The following KDM2A variants were observed in gnomAD, a reference collection of about 807,000 sequenced individuals.
KDM2A encodes the protein lysine demethylase 2A, also known as lysine-specific demethylase 2A.
KDM2A carries 3 observed loss-of-function variants against 137.3 expected under a neutral mutation model. That is an observed-to-expected ratio of 0.02 (90% confidence interval 0.01 to 0.06). KDM2A has a LOEUF of 0.06. Among genes scored for constraint, KDM2A ranks in the 10% least tolerant of loss-of-function variants. KDM2A has a pLI of 1.00. For missense variants in KDM2A, 738 were observed against 1,510.6 expected, an observed-to-expected ratio of 0.49 and a Z score of 8.48; for synonymous variants, 512 against 541.5, an observed-to-expected ratio of 0.95 and a Z score of 0.76.
In KDM2A at chr11:67,219,272, G is replaced by C; in HGVS notation, c.842-16G>C. 7.0e-7 allele frequency: 1 copy of C among 1,436,942 alleles called. No individual in the cohort carries two copies. The highest frequency in any genetic ancestry group is 2.5e-5 in the East Asian group (1 of 40,598). The allele number at this position is 1,436,942 out of a possible 1,614,324, so 89.0% of individuals were successfully genotyped here. On this transcript the variant is annotated splice_polypyrimidine_tract_variant and intron_variant, in intron 9 of 20. Coordinates refer to ENST00000529006, the MANE Select transcript of KDM2A (RefSeq NM_012308.3). ...TGTGTGTTTTCAGCCACTGCCCTCT[G>C]TTCCCCTTCTCCTAGGCTGGATTCA...
intron 2 of KDM2A, among the ~76,000 whole-genome samples, chr11:67,152,501 G>A (rs1016956282): frequency 2.0e-4 from 30 of 151,986 alleles, no homozygotes; most frequent in Non-Finnish European, 2.5e-4. Flanking sequence ...CTTGCTACTT[G>A]GGAGGCCGAG....
intron 2 of KDM2A, among the ~76,000 whole-genome samples, chr11:67,122,676 T>C (rs1435114422): frequency 1.3e-5 from 2 of 149,828 alleles, no homozygotes; most frequent in Admixed American, 1.3e-4. Context: ...TATTTATTTA[T>C]TTATTTATTT....
chr11:67,238,705 G>A (rs1006525859), intron 12 of KDM2A, among the ~76,000 whole-genome samples: 1 of 152,088 alleles, frequency 6.6e-6, no homozygotes, highest in Non-Finnish European at 1.5e-5. Flanking sequence ...CAACTGTCCT[G>A]GAAATAAATA....
intron 2 of KDM2A, among the ~76,000 whole-genome samples, chr11:67,126,459 G>T (rs1238767641): frequency 6.6e-6 from 1 of 151,830 alleles, no homozygotes; most frequent in Non-Finnish European, 1.5e-5. Context: ...TGTGATCCCA[G>T]CACTTTGGGA....
chr11:67,158,828 T>A (rs934349799), intron 2 of KDM2A, among the ~76,000 whole-genome samples: 2 of 152,218 alleles, frequency 1.3e-5, no homozygotes, highest in Non-Finnish European at 2.9e-5. Flanking sequence ...TCTGTATATC[T>A]TCTCTGTTTA....
In KDM2A at chr11:67,250,680, T is replaced by G. The variant is rs1276804075; in HGVS notation, c.2650T>G (p.Trp884Gly). 1.7e-5 allele frequency: 27 copies of G among 1,603,392 alleles called. No homozygotes were observed. The highest frequency in any genetic ancestry group is 2.3e-5 in the Non-Finnish European group (27 of 1,173,624). The change falls in exon 17 of 21, where the codon TGG becomes GGG. Residue 884 changes from tryptophan (W) to glycine (G), a missense_variant. Coordinates refer to ENST00000529006, the MANE Select transcript of KDM2A (RefSeq NM_012308.3). This position sits in a 1 kb window ranked among gnomAD's most constrained non-coding sequence, Gnocchi z 7.1. ...AGCCAGGCTGAATGGCCGGGGCAGTTGGGCTCAGGATGGAGACGAAAGCTG... is the reference window on the plus strand; with the variant it reads ...AGCCAGGCTGAATGGCCGGGGCAGTGGGGCTCAGGATGGAGACGAAAGCTG... ...GAARLNGRGS[W>G]AQDGDESWMQ...
At chr11:67,242,461 G>C (rs1565421472) in intron 12 of KDM2A, among the ~76,000 whole-genome samples, 3 of 152,218 alleles carry the variant, frequency 2.0e-5, no homozygotes, top group Admixed American at 6.5e-5. Context: ...TCACATCTGA[G>C]AAATGAAGGC....
chr11:67,152,709 A>G (rs1257626287), intron 2 of KDM2A, among the ~76,000 whole-genome samples: 4 of 152,136 alleles, frequency 2.6e-5, no homozygotes, highest in East Asian at 1.9e-4. Flanking sequence ...GGAACAACCC[A>G]TACCAGGGAT....
intron 12 of KDM2A, among the ~76,000 whole-genome samples, chr11:67,236,870 A>G (rs965554649): frequency 3.9e-5 from 6 of 152,306 alleles, no homozygotes; most frequent in African/African-American, 1.4e-4. Flanking sequence ...ATGTTAAGGA[A>G]ACTATGCAGA....
intron 2 of KDM2A, chr11:67,148,975 G>C (rs148692966): frequency 6.6e-6 from 1 of 152,114 alleles, no homozygotes; most frequent in African/African-American, 2.4e-5. Flanking sequence ...TTATAGGTTT[G>C]GGTTGTTATA....
intron 12 of KDM2A, among the ~76,000 whole-genome samples, chr11:67,232,559 A>G (rs1858746860): frequency 6.6e-6 from 1 of 152,106 alleles, no homozygotes; most frequent in South Asian, 2.1e-4. Context: ...ATAGACATAC[A>G]TGTGCCATGT....
intron 13 of KDM2A, among the ~76,000 whole-genome samples, chr11:67,244,178 G>T (rs1032484766): frequency 6.6e-6 from 1 of 152,192 alleles, no homozygotes; most frequent in Admixed American, 6.5e-5. Context: ...AAACAATTCA[G>T]TCATTTCTGG....
intron 2 of KDM2A, among the ~76,000 whole-genome samples, chr11:67,150,533 G>T (rs1359494692): frequency 1.3e-5 from 2 of 152,152 alleles, no homozygotes; most frequent in Admixed American, 1.3e-4. Context: ...AATTAGGGAA[G>T]GAGATTGATT....
At chr11:67,251,722 G>A (rs1859434099) in intron 17 of KDM2A, among the ~76,000 whole-genome samples, 1 of 152,200 alleles carries the variant, frequency 6.6e-6, no homozygotes, top group Non-Finnish European at 1.5e-5. Context: ...AGCAAAATCT[G>A]CTGTATTGTC....
At chr11:67,201,203 A>AAT (rs1555090516) in intron 5 of KDM2A, among the ~76,000 whole-genome samples, 5 of 89,480 alleles carry the variant, frequency 5.6e-5, no homozygotes, top group African/African-American at 7.9e-5. Context: ...CAAAAAAAAA[A>AAT]ATATATATAT....
At chr11:67,164,050 A>C (rs923820764) in intron 2 of KDM2A, among the ~76,000 whole-genome samples, 3 of 152,120 alleles carry the variant, frequency 2.0e-5, no homozygotes, top group Admixed American at 6.6e-5. Flanking sequence ...TACTCTATAC[A>C]GCCTCTTTTT....
intron 2 of KDM2A, among the ~76,000 whole-genome samples, chr11:67,133,713 GT>G (rs1307311035): frequency 3.4e-5 from 5 of 145,404 alleles, no homozygotes; most frequent in African/African-American, 1.0e-4. Context: ...TCCAACTGTG[GT>G]TTTTTTTTTG....
chr11:67,147,880 T>C (rs1038361978), intron 2 of KDM2A, among the ~76,000 whole-genome samples: 2 of 151,952 alleles, frequency 1.3e-5, no homozygotes, highest in African/African-American at 4.8e-5. Context: ...GGTTTTACCA[T>C]GTTGGCCAGG....
chr11:67,219,461 G>A, intron 10 of KDM2A, 58 bp downstream of exon 10: 1 of 809,152 alleles, frequency 1.2e-6, no homozygotes, highest in Non-Finnish European at 1.8e-6. Flanking sequence ...TATGATAGAT[G>A]TTACAAGAGA....
Sources: gnomAD v4.1 joint callset for allele counts (sites outside exome capture counted in the v4.1 genomes callset) on GRCh38, gnomAD v4.1.1 for gene constraint, Gnocchi (gnomAD v3.1) non-coding constraint, MANE v1.5 for transcripts, NCBI Gene and HGNC (gene_info 2026-07-23, HGNC 2026-07-21) for gene names.